PTCHD4: variants seen among roughly 807,000 people sequenced by gnomAD.
The protein encoded by PTCHD4 is patched domain-containing protein 4.
PTCHD4 carries 33 observed loss-of-function variants against 58.1 expected under a neutral mutation model. The ratio of observed to expected loss-of-function variants is 0.57; its 90% CI spans 0.43 to 0.76. The LOEUF (loss-of-function observed/expected upper bound fraction) is 0.76. Ranked by LOEUF, PTCHD4 falls within the 30% of genes least tolerant of loss-of-function variation. PTCHD4 has a pLI of 0.00. For missense variants in PTCHD4, 1,058 were observed against 1,027.1 expected (o/e 1.03, Z -0.41); for synonymous variants, 478 against 409.6 (o/e 1.17, Z -2.02).
chr6:48,035,426 T>C (rs1472846274), intron 3 of PTCHD4, among the ~76,000 whole-genome samples: 1 of 152,136 alleles, frequency 6.6e-6, no homozygotes, highest in Non-Finnish European at 1.5e-5. Context: ...GTTCTCTGAA[T>C]TATGATTCAG....
intron 1 of PTCHD4, among the ~76,000 whole-genome samples, chr6:48,105,979 A>AT (rs1032754949): frequency 2.6e-5 from 4 of 152,186 alleles, no homozygotes; most frequent in African/African-American, 9.6e-5. Context: ...ACCAAAAAAA[A>AT]GTCCAGGACA....
chr6:47,940,076 T>C (rs939168411), intron 4 of PTCHD4, among the ~76,000 whole-genome samples: 5 of 152,264 alleles, frequency 3.3e-5, no homozygotes, highest in Middle Eastern at 3.4e-3. Context: ...AGATGTAAAC[T>C]ATAATTATGA....
chr6:47,879,827 G>T lies in PTCHD4; in HGVS notation c.1008C>A (p.Thr336=), dbSNP rs760219904. The T allele has an allele frequency of 1.2e-6, 2 of 1,612,836 alleles. No homozygotes were observed. Among genetic ancestry groups the T allele is most frequent in the African/African-American group, 1.3e-5 (1 of 74,884 alleles). ...IADAYSDVMV[T]YTMTSSLYFI... ...AGTACAGGGAGCTGGTCATGGTATA[G>T]GTGACCATCACATCAGAATAGGCAT... Residue 336 remains threonine (T), a synonymous_variant, in exon 5 of 5, where the codon ACC becomes ACA. Transcript: ENST00000339488.
intron 4 of PTCHD4, among the ~76,000 whole-genome samples, chr6:47,978,875 T>C (rs1312875937): frequency 4.6e-5 from 7 of 152,184 alleles, no homozygotes; most frequent in African/African-American, 1.2e-4. Context: ...CCTTGTGTTA[T>C]ATCAAGATTC....
In PTCHD4 at chr6:47,871,520, A is replaced by G. The variant is rs1763713458; in HGVS notation, c.*6783T>C. Among the ~76,000 whole-genome samples, 1 of 151,584 alleles carries G rather than the reference A, an allele frequency of 6.6e-6. No individual in the cohort carries two copies. The highest frequency in any genetic ancestry group is 1.5e-5 in the Non-Finnish European group (1 of 67,692). On this transcript the variant is annotated 3_prime_UTR_variant, in exon 5 of 5. Transcript: ENST00000339488. The stretch of plus-strand genomic sequence containing the variant: ...GCTCTGGGATATCTGTAGGGAGACA[A>G]CTAACAACTGCCTTGAAAGATTTCA...
intron 4 of PTCHD4, among the ~76,000 whole-genome samples, chr6:47,973,942 A>G (rs933630524): frequency 1.3e-5 from 2 of 152,184 alleles, no homozygotes; most frequent in African/African-American, 4.8e-5. Context: ...CATCAAAGCT[A>G]TTGCCAGCAA....
At chr6:47,996,658 C>G (rs1270646612) in intron 4 of PTCHD4, among the ~76,000 whole-genome samples, 1 of 152,152 alleles carries the variant, frequency 6.6e-6, no homozygotes, top group African/African-American at 2.4e-5. Flanking sequence ...ATAGAAACAG[C>G]TGCCCTACTT....
intron 4 of PTCHD4, among the ~76,000 whole-genome samples, chr6:47,913,579 A>G (rs997876716): frequency 6.6e-6 from 1 of 152,144 alleles, no homozygotes; most frequent in African/African-American, 2.4e-5. Flanking sequence ...TAATGGGGAA[A>G]ATATTATATA....
chr6:48,069,644 T>G lies in PTCHD4; in HGVS notation c.-687A>C, dbSNP rs1764935725. On this transcript the variant is annotated 5_prime_UTR_variant, in exon 2 of 5. Coordinates refer to ENST00000339488, the MANE Select transcript of PTCHD4 (RefSeq NM_001384253.1). Reference sequence around the variant, plus strand: ...CTCTGATGGCTGGAGAGGAGGCATTTGCCAATAGCAGTAGCCTGTGTGCGT... The same window carrying G: ...CTCTGATGGCTGGAGAGGAGGCATTGGCCAATAGCAGTAGCCTGTGTGCGT... Among the ~76,000 whole-genome samples the G allele has an allele frequency of 6.6e-6, 1 of 151,492 alleles. No individual in the cohort carries two copies. The highest frequency in any genetic ancestry group is 1.5e-5 in the Non-Finnish European group (1 of 67,910).
At chr6:48,083,989 A>G (rs547749050) in intron 1 of PTCHD4, among the ~76,000 whole-genome samples, 5 of 152,178 alleles carry the variant, frequency 3.3e-5, no homozygotes, top group Non-Finnish European at 5.9e-5. Context: ...TGAGATAATA[A>G]ATGGGAGTTG....
intron 4 of PTCHD4, among the ~76,000 whole-genome samples, chr6:47,890,356 T>C (rs1374752827): frequency 6.6e-6 from 1 of 152,080 alleles, no homozygotes; most frequent in Non-Finnish European, 1.5e-5. Flanking sequence ...TTAACACGAT[T>C]TGATATTGTA....
chr6:48,071,137 G>A (rs1562039454), intron 1 of PTCHD4, among the ~76,000 whole-genome samples: 1 of 152,098 alleles, frequency 6.6e-6, no homozygotes, highest in Non-Finnish European at 1.5e-5. Flanking sequence ...CATTTCCTTC[G>A]GTAGCATCAG....
At chr6:48,006,546 C>T (rs1427665197) in intron 4 of PTCHD4, among the ~76,000 whole-genome samples, 1 of 152,092 alleles carries the variant, frequency 6.6e-6, no homozygotes, top group Non-Finnish European at 1.5e-5. Context: ...TCTTATAAAT[C>T]TTATTATTTC....
intron 4 of PTCHD4, among the ~76,000 whole-genome samples, chr6:47,973,150 C>T (rs892566397): frequency 1.3e-5 from 2 of 152,082 alleles, no homozygotes; most frequent in Admixed American, 1.3e-4. Flanking sequence ...TTGAAAGAGA[C>T]ACAAACAGAA....
chr6:47,992,391 C>T (rs1167334233), intron 4 of PTCHD4, among the ~76,000 whole-genome samples: 1 of 152,144 alleles, frequency 6.6e-6, no homozygotes, highest in Admixed American at 6.5e-5. Flanking sequence ...AGAAGACTTC[C>T]TTCCAATTTA....
chr6:47,998,074 GA>G (rs1383597421), intron 4 of PTCHD4, among the ~76,000 whole-genome samples: 2 of 151,900 alleles, frequency 1.3e-5, no homozygotes, highest in Admixed American at 6.6e-5. Flanking sequence ...CAGTACTGCA[GA>G]AAAAAATCCC....
intron 4 of PTCHD4, among the ~76,000 whole-genome samples, chr6:47,958,860 G>A (rs1019639980): frequency 4.6e-5 from 7 of 152,232 alleles, no homozygotes; most frequent in South Asian, 2.1e-4. Flanking sequence ...TGTACAGAAG[G>A]GTCTTCCATC....
intron 4 of PTCHD4, among the ~76,000 whole-genome samples, chr6:47,891,773 T>C (rs1764388867): frequency 6.6e-6 from 1 of 152,172 alleles, no homozygotes; most frequent in Non-Finnish European, 1.5e-5. Context: ...TTCCTCATTG[T>C]AATTAGTCAA....
intron 1 of PTCHD4, among the ~76,000 whole-genome samples, chr6:48,106,570 C>T (rs1454901051): frequency 6.6e-6 from 1 of 152,098 alleles, no homozygotes; most frequent in Non-Finnish European, 1.5e-5. Flanking sequence ...CTCACCACTC[C>T]TATTCAATAT....
Sources: allele counts gnomAD v4.1 joint callset (sites outside exome capture counted in the v4.1 genomes callset), GRCh38; gene constraint gnomAD v4.1.1; transcripts MANE v1.5; gene names NCBI Gene and HGNC (gene_info 2026-07-23, HGNC 2026-07-21).